The following TRHDE variants were observed in gnomAD, a reference collection of about 807,000 sequenced individuals.
TRHDE encodes the protein thyrotropin-releasing hormone-degrading ectoenzyme.
TRHDE carries 72 observed loss-of-function variants against 125.7 expected under a neutral mutation model. The ratio of observed to expected loss-of-function variants is 0.57; its 90% confidence interval spans 0.47 to 0.70. TRHDE has a LOEUF of 0.70. Ranked by LOEUF, TRHDE falls within the 30% of genes least tolerant of loss-of-function variation. The probability of loss-of-function intolerance (pLI) is 0.00; values close to 1 mark genes in which losing one functional copy is unlikely to be tolerated. For missense variants in TRHDE, 1,110 were observed against 1,327.1 expected, an observed-to-expected ratio of 0.84 and a Z score of 2.54; for synonymous variants, 509 against 509.1, an observed-to-expected ratio of 1.00 and a Z score of 0.00.
chr12:72,297,360 GA>G (rs1379555090), intron 2 of TRHDE, among the ~76,000 whole-genome samples: 1 of 152,196 alleles, frequency 6.6e-6, no homozygotes, highest in Non-Finnish European at 1.5e-5. Context: ...GTATGTGATA[GA>G]GAGGAGGGTT....
intron 2 of TRHDE, among the ~76,000 whole-genome samples, chr12:72,328,846 T>C (rs553657450): frequency 4.5e-4 from 69 of 152,308 alleles, no homozygotes; most frequent in Admixed American, 1.2e-3. Flanking sequence ...AGTAAATATT[T>C]CATTGTTTAT....
At chr12:72,271,694 G>A, upstream of TRHDE, 1 of 345,336 alleles carries the variant, frequency 2.9e-6, no homozygotes, top group Non-Finnish European at 5.8e-6. Flanking sequence ...GAGTAGCCCT[G>A]GCAATCTAAA....
chr12:72,640,456 AC>A (rs895283712), intron 15 of TRHDE, among the ~76,000 whole-genome samples: 1 of 152,078 alleles, frequency 6.6e-6, no homozygotes, highest in Non-Finnish European at 1.5e-5. Flanking sequence ...TGCAGAAATC[AC>A]CCGTCTTCTG....
rs537466843 is a variant in TRHDE, at chr12:72,392,080, C to T, written c.1315+13959C>T. Among the ~76,000 whole-genome samples, 15 of 152,224 alleles carry T rather than the reference C, an allele frequency of 9.9e-5. No individual in the cohort carries two copies. In the South Asian group the frequency reaches 2.9e-3, roughly 29 times the overall value. On this transcript the variant is annotated intron_variant, in intron 3 of 18. Transcript: ENST00000261180. ...TGTGAGGACAAAGCAAGAGGATGGC[C>T]ATCTATCAGCCAGGAACAGAGTCAT...
chr12:72,477,223 G>A (rs1663470549), intron 5 of TRHDE, among the ~76,000 whole-genome samples: 1 of 152,150 alleles, frequency 6.6e-6, no homozygotes, highest in African/African-American at 2.4e-5. Context: ...GAAAATGAAA[G>A]CTCTATTAGA....
At chr12:72,450,068 CT>C (rs1406134770) in intron 3 of TRHDE, among the ~76,000 whole-genome samples, 8 of 152,014 alleles carry the variant, frequency 5.3e-5, no homozygotes, top group African/African-American at 7.2e-5. Context: ...GTTTCCACCT[CT>C]GAAATCCCTC....
Position 72,238,333 on chromosome 12 carries a change from T to TATATATATATAC in TRHDE, n.279+132582_279+132583insTATATATATACA, listed in dbSNP as rs1816632069. The stretch of plus-strand genomic sequence containing the variant: ...ATATATATATATATACATATATATA[T>TATATATATATAC]ACACATTATATATATATATATATAT... On this transcript the variant is annotated intron_variant and non_coding_transcript_variant, in intron 2 of 4. Coordinates refer to the TRHDE transcript ENST00000548156. 9.8e-5 allele frequency among the ~76,000 whole-genome samples: 3 copies of TATATATATATAC among 30,484 alleles called. 1 individual carries two copies. Among genetic ancestry groups the TATATATATATAC allele is most frequent in the Non-Finnish European group, 1.4e-4 (2 of 14,428 alleles). 20.0% of individuals were successfully genotyped at this position (30,484 alleles called of 152,430 possible).
At chr12:72,262,960 A>G (rs937518956) in intron 2 of TRHDE, 1 of 152,156 alleles carries the variant, frequency 6.6e-6, no homozygotes, top group Non-Finnish European at 1.5e-5. Flanking sequence ...TTTAAGAAAA[A>G]TTGAAGACAG....
chr12:72,604,085 T>C (rs919140631), intron 12 of TRHDE, among the ~76,000 whole-genome samples: 3 of 152,036 alleles, frequency 2.0e-5, no homozygotes, highest in African/African-American at 7.2e-5. Context: ...AAATAGAAGG[T>C]AAATCTGTAA....
chr12:72,272,326 G>T, upstream of TRHDE: 2 of 359,426 alleles, frequency 5.6e-6, no homozygotes, highest in Non-Finnish European at 5.5e-6. The surrounding 1 kb of genome is among the most constrained non-coding windows in gnomAD (Gnocchi z 6.7). Flanking sequence ...CCGCAGGCGC[G>T]CAGGGGCGGG....
intron 6 of TRHDE, among the ~76,000 whole-genome samples, chr12:72,518,474 C>T (rs911042747): frequency 1.4e-4 from 21 of 151,870 alleles, no homozygotes. Context: ...CAACCCCTGC[C>T]TTTTTTAGTT....
chr12:72,378,204 A>G (rs939129394), intron 3 of TRHDE, 83 bp downstream of exon 3: 9 of 1,278,384 alleles, frequency 7.0e-6, no homozygotes, highest in Middle Eastern at 2.1e-4. Context: ...AGCCATCCAG[A>G]AGCATGAAAA....
chr12:72,517,076 G>A (rs1397693752), intron 6 of TRHDE, among the ~76,000 whole-genome samples: 69 of 150,620 alleles, frequency 4.6e-4, no homozygotes, highest in African/African-American at 1.6e-3. Context: ...TGGCATCAAT[G>A]TTCATCAAGG....
chr12:72,428,311 A>G (rs1016254554), intron 3 of TRHDE, among the ~76,000 whole-genome samples: 6 of 152,068 alleles, frequency 3.9e-5, no homozygotes. Flanking sequence ...TAATTCCATA[A>G]TGTGTCATTT....
rs374158701 is a variant in TRHDE, at chr12:72,489,293, CA to C, written c.1585-10197del. On this transcript the variant is annotated intron_variant, in intron 5 of 18. Transcript: ENST00000261180. Reference sequence around the variant, plus strand: ...GAAAAAAGAAGACTCAAACAAAAAACAAAAAAAATTAAAGTGAAGAAGTTTG... The same window carrying C: ...GAAAAAAGAAGACTCAAACAAAAAACAAAAAAATTAAAGTGAAGAAGTTTG... 8.3e-5 allele frequency among the ~76,000 whole-genome samples: 12 copies of C among 144,822 alleles called. No individual in the cohort carries two copies. In the East Asian group the frequency reaches 2.4e-3, roughly 29 times the overall value.
At chr12:72,324,653 T>G (rs1869255164) in intron 2 of TRHDE, among the ~76,000 whole-genome samples, 1 of 152,056 alleles carries the variant, frequency 6.6e-6, no homozygotes, top group Non-Finnish European at 1.5e-5. Context: ...GATGGGCTGG[T>G]TCTGTGGAGA....
chr12:72,455,949 C>T (rs1198876081), intron 3 of TRHDE, among the ~76,000 whole-genome samples: 1 of 151,514 alleles, frequency 6.6e-6, no homozygotes, highest in Non-Finnish European at 1.5e-5. Context: ...AACGAGTTTG[C>T]CAAAATTTGG....
chr12:72,551,904 T>C (rs2135998464), intron 7 of TRHDE, among the ~76,000 whole-genome samples: 1 of 152,104 alleles, frequency 6.6e-6, no homozygotes. Flanking sequence ...GTAGGTATGC[T>C]GAGGTCTGAA....
chr12:72,405,410 C>T (rs913062652), intron 3 of TRHDE, among the ~76,000 whole-genome samples: 4 of 152,160 alleles, frequency 2.6e-5, no homozygotes, highest in African/African-American at 9.7e-5. Flanking sequence ...TGGTCACCTA[C>T]TGTGATTTGA....
Sources: allele counts gnomAD v4.1 joint callset (sites outside exome capture counted in the v4.1 genomes callset), GRCh38; gene constraint gnomAD v4.1.1; non-coding constraint Gnocchi (gnomAD v3.1); transcripts MANE v1.5; gene names NCBI Gene and HGNC (gene_info 2026-07-23, HGNC 2026-07-21).